KAZN: variants seen among roughly 807,000 people sequenced by gnomAD.
The protein encoded by KAZN is kazrin.
Under a neutral mutation model 87.4 loss-of-function variants are expected in KAZN, and 40 were observed. That is an observed-to-expected ratio of 0.46 (90% CI 0.36 to 0.60). KAZN has a LOEUF of 0.60. KAZN is among the 20% of genes least tolerant of loss of function. The probability of loss-of-function intolerance (pLI) is 0.00; values close to 1 mark genes in which losing one functional copy is unlikely to be tolerated. For missense variants in KAZN, 898 were observed against 1,073.9 expected (o/e 0.84, Z 2.29); for synonymous variants, 466 against 458.3 (o/e 1.02, Z -0.22).
chr1:14,943,451 G>C (rs1320619260), intron 1 of KAZN, among the ~76,000 whole-genome samples: 1 of 152,158 alleles, frequency 6.6e-6, no homozygotes, highest in Non-Finnish European at 1.5e-5. Flanking sequence ...AGTCTCTGGG[G>C]ACCCAGGACA....
At position 13,932,421 on chromosome 1, in the gene KAZN, C is replaced by T. The variant is rs539444919; in HGVS notation, c.91+38665C>T. 2.1e-4 allele frequency among the ~76,000 whole-genome samples: 32 copies of T among 151,730 alleles called. No individual in the cohort carries two copies. In the East Asian group the frequency reaches 5.3e-3, roughly 25 times the overall value. On this transcript the variant is annotated intron_variant, in intron 1 of 16. Transcript: ENST00000636203. ...GACTACAGGCGCCCGCCACTACGCC[C>T]GGCTAATTTTTTGTATTTTTAGTAG...
At chr1:14,783,760 C>A (rs75185534) in intron 1 of KAZN, among the ~76,000 whole-genome samples, 1 of 151,924 alleles carries the variant, frequency 6.6e-6, no homozygotes, top group African/African-American at 2.4e-5. Context: ...TAGGCAGGCA[C>A]GGCAGAGGGG....
Position 15,056,269 on chromosome 1 carries a change from C to T in KAZN, c.905C>T (p.Ala302Val), listed in dbSNP as rs765451521. The T allele has an allele frequency of 7.5e-6, 12 of 1,605,856 alleles. No individual in the cohort carries two copies. The highest frequency in any genetic ancestry group is 1.1e-5 in the South Asian group (1 of 90,786). ...TLYHSHPPHP[A>V]DRQAVRVSPC... ...TACCACTCACACCCCCCTCACCCTG[C>T]GGACCGGCAAGGTGAGTCCTGCCCT... Residue 302 changes from alanine (A) to valine (V), a missense_variant, in exon 5 of 15, where the codon GCG (alanine) becomes GTG (valine). Transcript: ENST00000376030. The surrounding 1 kb of genome is among the most constrained non-coding windows in gnomAD (Gnocchi z 5.4).
chr1:14,783,913 A>C (rs1054913747), intron 1 of KAZN, among the ~76,000 whole-genome samples: 3 of 152,148 alleles, frequency 2.0e-5, no homozygotes, highest in African/African-American at 7.2e-5. Context: ...ACCAAACTGG[A>C]GAGGCGAGGA....
chr1:14,705,827 TA>T (rs1642178035), intron 1 of KAZN, among the ~76,000 whole-genome samples: 1 of 152,130 alleles, frequency 6.6e-6, no homozygotes, highest in Non-Finnish European at 1.5e-5. Context: ...AAGTTACAGC[TA>T]AATAGAAAAG....
intron 1 of KAZN, among the ~76,000 whole-genome samples, chr1:14,927,055 G>T (rs2101544129): frequency 6.6e-6 from 1 of 152,296 alleles, no homozygotes; most frequent in Non-Finnish European, 1.5e-5. Context: ...AGCAGGAGGT[G>T]CAGACAGTGG....
At position 14,767,487 on chromosome 1, in the gene KAZN, G is replaced by T. The variant is rs144426216; in HGVS notation, c.226+168264G>T. Among the ~76,000 whole-genome samples, 28 of 152,300 alleles carry T rather than the reference G, an allele frequency of 1.8e-4. 1 individual carries two copies. The highest frequency in any genetic ancestry group is 6.8e-3 in the Middle Eastern group (2 of 294). On this transcript the variant is annotated intron_variant, in intron 1 of 14. Transcript: ENST00000376030. ...TTTTTTTCCCAGGGGATTTTATTTA[G>T]CTGATAGGCAAAGTCTGAAGACTGG... is the stretch of plus-strand genomic sequence containing the variant.
Position 14,167,722 on chromosome 1 carries a change from AAAAAAC to A in KAZN, c.92-12697_92-12692del, listed in dbSNP as rs953214234. ...TGCGTAAAAGAGAGAAACTCTGTCA[AAAAAAC>A]AAAAACAAAAACAAACAAGGAAGCA... On this transcript the variant is annotated intron_variant, in intron 1 of 16. Transcript: ENST00000636203. Among the ~76,000 whole-genome samples, 36 of 142,990 alleles carry A rather than the reference AAAAAAC, an allele frequency of 2.5e-4. 2 individuals are homozygous for A. Among genetic ancestry groups the A allele is most frequent in the East Asian group, 1.2e-3 (5 of 4,280 alleles). 93.8% of individuals were successfully genotyped at this position (142,990 alleles called of 152,430 possible). A position where few individuals can be genotyped will look rare whatever the true frequency, so the allele number is the denominator to read the frequency against.
At chr1:14,811,351 C>G (rs1646404334) in intron 1 of KAZN, among the ~76,000 whole-genome samples, 1 of 152,186 alleles carries the variant, frequency 6.6e-6, no homozygotes, top group Non-Finnish European at 1.5e-5. Flanking sequence ...CAAGTTGATG[C>G]TACACGAATA....
At chr1:14,193,143 G>A (rs1213440841) in intron 2 of KAZN, among the ~76,000 whole-genome samples, 1 of 152,104 alleles carries the variant, frequency 6.6e-6, no homozygotes, top group East Asian at 1.9e-4. Context: ...TGTGAAGAAG[G>A]TGCCTTGCTT....
At chr1:14,588,060 T>TG (rs1675967392) in intron 2 of KAZN, among the ~76,000 whole-genome samples, 1 of 152,108 alleles carries the variant, frequency 6.6e-6, no homozygotes, top group Non-Finnish European at 1.5e-5. Context: ...TGTAAGACCT[T>TG]GGGGGAGTAA....
At position 15,077,109 on chromosome 1, in the gene KAZN, A is replaced by ATCTG. The variant is rs1557782434; in HGVS notation, c.1222+11356_1222+11357insTCTG. On this transcript the variant is annotated intron_variant, in intron 8 of 14. Coordinates refer to ENST00000376030, the MANE Select transcript of KAZN (RefSeq NM_201628.3). This position sits in a 1 kb window ranked among gnomAD's most constrained non-coding sequence, Gnocchi z 4.8. ...GTTTCCAGAGCTCCAGATCTTCTAG[A>ATCTG]GAAGCCAAATATCTCACATAATACA... Among the ~76,000 whole-genome samples the ATCTG allele has an allele frequency of 2.6e-5, 4 of 152,242 alleles. No individual in the cohort carries two copies.
chr1:15,067,079 C>G, intron 8 of KAZN: 1 of 985,766 alleles, frequency 1.0e-6, no homozygotes, highest in South Asian at 4.7e-5. Flanking sequence ...TCCGAGGGGC[C>G]TCCAGCAGCT....
intron 1 of KAZN, among the ~76,000 whole-genome samples, chr1:14,942,350 G>A (rs972441897): frequency 5.9e-5 from 9 of 152,160 alleles, no homozygotes; most frequent in African/African-American, 1.4e-4. Context: ...TGTGGAGTGC[G>A]GAGAGGAAAA....
chr1:14,481,236 A>G lies in KAZN; in HGVS notation c.250-117747A>G, dbSNP rs945253364. Among the ~76,000 whole-genome samples, 3 of 152,322 alleles carry G rather than the reference A, an allele frequency of 2.0e-5. No homozygotes were observed. In the East Asian group the frequency reaches 5.8e-4, roughly 29 times the overall value. On this transcript the variant is annotated intron_variant, in intron 2 of 16. Transcript: ENST00000636203. ...TCCTGCCCACTCAGTTTTCATATCT[A>G]CAAAGTAGGATTGATAAAAGTACCT...
At chr1:14,269,392 A>G (rs1014528397) in intron 2 of KAZN, among the ~76,000 whole-genome samples, 5 of 152,164 alleles carry the variant, frequency 3.3e-5, no homozygotes, top group African/African-American at 9.7e-5. Flanking sequence ...CCATTTACCC[A>G]ATTTGTAATA....
intron 1 of KAZN, among the ~76,000 whole-genome samples, chr1:14,914,972 C>T (rs1327736796): frequency 1.3e-5 from 2 of 152,172 alleles, no homozygotes; most frequent in Non-Finnish European, 2.9e-5. Context: ...GGGCGGATCA[C>T]CTGAGGTCAG....
intron 2 of KAZN, among the ~76,000 whole-genome samples, chr1:14,457,906 C>T (rs1375400396): frequency 1.3e-5 from 2 of 151,680 alleles, no homozygotes; most frequent in Non-Finnish European, 2.9e-5. Context: ...CAAGCTCTGC[C>T]TCCCGTGTTC....
chr1:14,521,971 C>T (rs954878079), intron 2 of KAZN, among the ~76,000 whole-genome samples: 1 of 152,104 alleles, frequency 6.6e-6, no homozygotes, highest in Non-Finnish European at 1.5e-5. Context: ...AGAATGTGAA[C>T]TTTTGAGATT....
Sources: gnomAD v4.1 joint callset for allele counts (sites outside exome capture counted in the v4.1 genomes callset) on GRCh38, gnomAD v4.1.1 for gene constraint, Gnocchi (gnomAD v3.1) non-coding constraint, MANE v1.5 for transcripts, NCBI Gene and HGNC (gene_info 2026-07-23, HGNC 2026-07-21) for gene names.